The following CSMD1 variants were observed in gnomAD, a reference collection of about 807,000 sequenced individuals.
CSMD1 encodes the protein CUB and Sushi multiple domains 1.
CSMD1 carries 213 observed loss-of-function variants against 417.5 expected under a neutral mutation model. The observed-to-expected ratio is 0.51, with a 90% confidence interval of 0.46 to 0.57. CSMD1 has a LOEUF of 0.57. CSMD1 is among the 20% of genes least tolerant of loss of function. CSMD1 has a pLI of 0.00. For missense variants in CSMD1, 6,923 were observed against 4,529.7 expected (o/e 1.53, Z -15.17); for synonymous variants, 2,862 against 1,736.8 (o/e 1.65, Z -16.11).
At chr8:3,844,122 A>G (rs766793964) in intron 5 of CSMD1, among the ~76,000 whole-genome samples, 11 of 152,196 alleles carry the variant, frequency 7.2e-5, no homozygotes, top group Admixed American at 2.6e-4. Flanking sequence ...TATATACATA[A>G]GAATAGTACT....
intron 3 of CSMD1, among the ~76,000 whole-genome samples, chr8:4,212,534 AT>A (rs909023690): frequency 6.6e-5 from 10 of 151,968 alleles, no homozygotes; most frequent in African/African-American, 2.4e-4. Context: ...AAATTTTGAA[AT>A]TTGTAGCCTT....
chr8:3,682,539 A>G (rs1799719567), intron 7 of CSMD1, among the ~76,000 whole-genome samples: 1 of 152,188 alleles, frequency 6.6e-6, no homozygotes, highest in Non-Finnish European at 1.5e-5. Flanking sequence ...AAGTCAGGAA[A>G]CAACAGGTGC....
intron 25 of CSMD1, among the ~76,000 whole-genome samples, chr8:3,293,683 C>A (rs1803750310): frequency 6.6e-6 from 1 of 152,170 alleles, no homozygotes; most frequent in South Asian, 2.1e-4. Flanking sequence ...TACATCAGGT[C>A]CTTTAAGGAC....
intron 7 of CSMD1, among the ~76,000 whole-genome samples, chr8:3,666,371 G>A (rs1193128424): frequency 6.6e-6 from 1 of 152,216 alleles, no homozygotes; most frequent in East Asian, 1.9e-4. Context: ...GACATATTCA[G>A]TAGAGTTCAA....
chr8:4,380,462 A>C (rs949409037), intron 3 of CSMD1, among the ~76,000 whole-genome samples: 1 of 152,214 alleles, frequency 6.6e-6, no homozygotes, highest in Non-Finnish European at 1.5e-5. Context: ...GTCGGCCTCC[A>C]ATCTGTCGAG....
chr8:4,062,789 C>A (rs1380642488), intron 3 of CSMD1, among the ~76,000 whole-genome samples: 1 of 151,606 alleles, frequency 6.6e-6, no homozygotes, highest in East Asian at 1.9e-4. Context: ...TGTTCAAACC[C>A]AGTATCTGTC....
At chr8:3,823,032 A>G (rs1186715344) in intron 5 of CSMD1, among the ~76,000 whole-genome samples, 1 of 152,154 alleles carries the variant, frequency 6.6e-6, no homozygotes, top group Non-Finnish European at 1.5e-5. Context: ...ATAATTCGGC[A>G]TCAGTAGTTT....
At chr8:4,057,041 G>T (rs1225093678) in intron 3 of CSMD1, among the ~76,000 whole-genome samples, 6 of 152,166 alleles carry the variant, frequency 3.9e-5, no homozygotes, top group African/African-American at 9.7e-5. Flanking sequence ...AGTCCTTTGG[G>T]TATGTACCCA....
chr8:4,607,473 G>A (rs549159199), intron 2 of CSMD1, among the ~76,000 whole-genome samples: 2 of 152,074 alleles, frequency 1.3e-5, no homozygotes, highest in Admixed American at 6.5e-5. Context: ...GGCCTGATAC[G>A]ACCCAGAAAA....
At chr8:3,668,643 G>C (rs925220287) in intron 7 of CSMD1, among the ~76,000 whole-genome samples, 5 of 152,086 alleles carry the variant, frequency 3.3e-5, no homozygotes, top group South Asian at 2.1e-4. Flanking sequence ...TGAACAGAGT[G>C]TGCAATATAG....
intron 5 of CSMD1, among the ~76,000 whole-genome samples, chr8:3,784,286 A>G (rs1461082906): frequency 6.6e-6 from 1 of 152,218 alleles, no homozygotes; most frequent in Non-Finnish European, 1.5e-5. Flanking sequence ...TAAATTTCTC[A>G]GATAAATAAT....
chr8:4,071,080 T>C (rs1799530541), intron 3 of CSMD1, among the ~76,000 whole-genome samples: 2 of 152,186 alleles, frequency 1.3e-5, no homozygotes, highest in Admixed American at 1.3e-4. Context: ...ATGGTTTCTT[T>C]GCAGTTATCT....
chr8:3,592,677 TGTGTGTGTGCACATCC>T (rs761402409), intron 8 of CSMD1, among the ~76,000 whole-genome samples: 52 of 127,538 alleles, frequency 4.1e-4, no homozygotes, highest in African/African-American at 6.7e-4. Flanking sequence ...TGCACATCCG[TGTGTGTGTGCACATCC>T]GTGTGTGTGT....
At chr8:4,097,862 T>G (rs1256226038) in intron 3 of CSMD1, among the ~76,000 whole-genome samples, 2 of 152,196 alleles carry the variant, frequency 1.3e-5, no homozygotes, top group African/African-American at 4.8e-5. Context: ...TACACTACTG[T>G]GTGACTACGT....
At chr8:3,108,260 A>T (rs1445831808) in intron 44 of CSMD1, among the ~76,000 whole-genome samples, 1 of 152,186 alleles carries the variant, frequency 6.6e-6, no homozygotes, top group Non-Finnish European at 1.5e-5. Flanking sequence ...GTTTGCTTTC[A>T]CACCATTTAT....
chr8:3,188,488 G>A (rs1298959028), intron 35 of CSMD1, among the ~76,000 whole-genome samples: 2 of 151,326 alleles, frequency 1.3e-5, no homozygotes, highest in Non-Finnish European at 2.9e-5. Flanking sequence ...TATATTTTTA[G>A]TAGAGACAGG....
intron 49 of CSMD1, among the ~76,000 whole-genome samples, chr8:3,071,422 G>A (rs534077988): frequency 6.6e-6 from 1 of 152,140 alleles, no homozygotes; most frequent in African/African-American, 2.4e-5. Context: ...AAACCAAGAT[G>A]GTGAGTTGAC....
chr8:3,774,016 G>A (rs1187425684), intron 5 of CSMD1, among the ~76,000 whole-genome samples: 1 of 152,150 alleles, frequency 6.6e-6, no homozygotes, highest in Non-Finnish European at 1.5e-5. Context: ...CACAGTTGCT[G>A]CGCTATCCTA....
At chr8:4,711,897 G>A (rs1410057820) in intron 1 of CSMD1, among the ~76,000 whole-genome samples, 1 of 152,186 alleles carries the variant, frequency 6.6e-6, no homozygotes, top group Admixed American at 6.5e-5. Flanking sequence ...ATACCAGCTG[G>A]ATTAAGTGCC....
Sources: gnomAD v4.1 joint callset for allele counts (sites outside exome capture counted in the v4.1 genomes callset) on GRCh38, gnomAD v4.1.1 for gene constraint, MANE v1.5 for transcripts, NCBI Gene and HGNC (gene_info 2026-07-23, HGNC 2026-07-21) for gene names.